Variants in SLC14A2 observed in about 807,000 individuals in gnomAD.
SLC14A2 encodes the protein urea transporter 2.
SLC14A2 carries 91 observed loss-of-function variants against 104.6 expected under a neutral mutation model. The ratio of observed to expected loss-of-function variants is 0.87; its 90% CI spans 0.73 to 1.04. The LOEUF (loss-of-function observed/expected upper bound fraction) is 1.04, where lower values mean the gene tolerates loss of function less well. Ranked by LOEUF, SLC14A2 falls within the 50% of genes least tolerant of loss-of-function variation. The pLI, the probability that SLC14A2 is intolerant of heterozygous loss-of-function variation, is 0.00. For synonymous variants in SLC14A2, 476 were observed against 466.4 expected (o/e 1.02, Z -0.27); for missense variants, 1,189 against 1,156.0 (o/e 1.03, Z -0.41).
intron 1 of SLC14A2, chr18:45,423,983 A>G (rs2086385912): frequency 6.6e-6 from 1 of 152,202 alleles, no homozygotes; most frequent in Non-Finnish European, 1.5e-5. Flanking sequence ...TAGAGAAATA[A>G]CTGGAGCTGA....
At chr18:45,180,539 C>T in the SLC14A2 span, among the ~76,000 whole-genome samples, 1 of 152,030 alleles carries the variant, frequency 6.6e-6, no homozygotes, top group African/African-American at 2.4e-5. Context: ...GTCAATGTTA[C>T]AGAATTTGAG....
chr18:45,621,545 CCTAT>C (rs2045170430), intron 1 of SLC14A2, among the ~76,000 whole-genome samples: 1 of 152,138 alleles, frequency 6.6e-6, no homozygotes, highest in Non-Finnish European at 1.5e-5. Flanking sequence ...AGAAGTGTTC[CCTAT>C]CTATCAGTCA....
intron 2 of SLC14A2, among the ~76,000 whole-genome samples, chr18:45,606,073 G>T (rs1394860454): frequency 6.6e-6 from 1 of 152,154 alleles, no homozygotes; most frequent in Non-Finnish European, 1.5e-5. Context: ...TGGAGGCGGG[G>T]AGGTGATGAG....
intron 1 of SLC14A2, among the ~76,000 whole-genome samples, chr18:45,311,452 C>T (rs977800036): frequency 5.9e-5 from 9 of 152,184 alleles, no homozygotes; most frequent in African/African-American, 2.2e-4. Context: ...TCAGTTTTCC[C>T]ATGGCAGAGC....
intron 1 of SLC14A2, among the ~76,000 whole-genome samples, chr18:45,341,238 A>G (rs1336031068): frequency 6.6e-6 from 1 of 151,638 alleles, no homozygotes; most frequent in South Asian, 2.1e-4. Context: ...CCAAGTGTAA[A>G]GCAAAAAATT....
At chr18:45,570,102 C>T (rs1488207536) in intron 2 of SLC14A2, among the ~76,000 whole-genome samples, 1 of 152,122 alleles carries the variant, frequency 6.6e-6, no homozygotes, top group African/African-American at 2.4e-5. Context: ...TTGAGGGGCA[C>T]CAGCTGGAGA....
the SLC14A2 span, among the ~76,000 whole-genome samples, chr18:45,179,726 C>A: frequency 3.2e-3 from 481 of 151,992 alleles, 2 homozygotes; most frequent in African/African-American, 0.011. Context: ...AAACCATTCT[C>A]TGGCATATAA....
At chr18:45,506,324 G>A (rs924453181) in intron 2 of SLC14A2, among the ~76,000 whole-genome samples, 1 of 152,120 alleles carries the variant, frequency 6.6e-6, no homozygotes, top group Non-Finnish European at 1.5e-5. Context: ...TGTCCAGTTA[G>A]CCTGATCACA....
At chr18:45,564,533 C>T (rs1425345845) in intron 2 of SLC14A2, among the ~76,000 whole-genome samples, 1 of 152,170 alleles carries the variant, frequency 6.6e-6, no homozygotes, top group Non-Finnish European at 1.5e-5. Flanking sequence ...AAACACCTCG[C>T]ACTGAACCTA....
intron 1 of SLC14A2, among the ~76,000 whole-genome samples, chr18:45,480,571 C>G (rs1036792481): frequency 6.6e-6 from 1 of 152,200 alleles, no homozygotes; most frequent in African/African-American, 2.4e-5. Context: ...CTGCCCACAG[C>G]CAGGTACATC....
At chr18:45,358,373 TG>T (rs1429281493) in intron 1 of SLC14A2, among the ~76,000 whole-genome samples, 1 of 152,106 alleles carries the variant, frequency 6.6e-6, no homozygotes, top group Non-Finnish European at 1.5e-5. Flanking sequence ...TTCATTTCTA[TG>T]AAAAAGAAAG....
At chr18:45,297,649 C>T (rs1193066787) in intron 1 of SLC14A2, among the ~76,000 whole-genome samples, 1 of 144,574 alleles carries the variant, frequency 6.9e-6, no homozygotes, top group Admixed American at 6.8e-5. Context: ...AACAGGATTG[C>T]TGGGATGGCT....
At chr18:45,608,511 C>A (rs1214187684) in intron 2 of SLC14A2, among the ~76,000 whole-genome samples, 1 of 152,184 alleles carries the variant, frequency 6.6e-6, no homozygotes, top group African/African-American at 2.4e-5. Context: ...CTATGACCGT[C>A]CCAGTGCGTT....
intron 7 of SLC14A2, 133 bp from the exon 8 acceptor site, chr18:45,641,076 C>T (rs2045519621): frequency 1.2e-6 from 1 of 850,392 alleles, no homozygotes; most frequent in African/African-American, 1.7e-5. Flanking sequence ...TGTAGAGGCT[C>T]TTTTGATGGG....
intron 2 of SLC14A2, among the ~76,000 whole-genome samples, chr18:45,584,097 T>C (rs572543592): frequency 1.3e-5 from 2 of 152,268 alleles, no homozygotes; most frequent in Non-Finnish European, 2.9e-5. Flanking sequence ...CAACTTGAAC[T>C]TGCTGTATTT....
At chr18:45,182,693 C>A in the SLC14A2 span, among the ~76,000 whole-genome samples, 1 of 151,624 alleles carries the variant, frequency 6.6e-6, no homozygotes, top group African/African-American at 2.4e-5. Flanking sequence ...TATAAAGCAA[C>A]AACAAAAAAT....
At chr18:45,580,259 T>G (rs868439350) in intron 2 of SLC14A2, among the ~76,000 whole-genome samples, 1 of 152,196 alleles carries the variant, frequency 6.6e-6, no homozygotes, top group Non-Finnish European at 1.5e-5. Flanking sequence ...TTTTTTATGA[T>G]GAACATGATT....
chr18:45,414,757 A>AAAATATATATATATATATAT (rs1360051908), intron 1 of SLC14A2, among the ~76,000 whole-genome samples: 1 of 76,104 alleles, frequency 1.3e-5, no homozygotes, highest in Non-Finnish European at 2.2e-5. Flanking sequence ...AAAAAAAAAA[A>AAAATATATATATATATATAT]ATATATATAT....
At chr18:45,432,991 T>G (rs1050704037) in intron 1 of SLC14A2, among the ~76,000 whole-genome samples, 2 of 152,208 alleles carry the variant, frequency 1.3e-5, no homozygotes, top group Non-Finnish European at 2.9e-5. Context: ...AACTGTTTTC[T>G]ACTCTTTCTG....
Sources: gnomAD v4.1 joint callset for allele counts (sites outside exome capture counted in the v4.1 genomes callset) on GRCh38, gnomAD v4.1.1 for gene constraint, MANE v1.5 for transcripts, NCBI Gene and HGNC (gene_info 2026-07-23, HGNC 2026-07-21) for gene names.